The following PHYHIPL variants were observed in gnomAD, a reference collection of about 807,000 sequenced individuals.
PHYHIPL encodes the protein phytanoyl-CoA 2-hydroxylase interacting protein like, also known as phytanoyl-CoA hydroxylase-interacting protein-like.
In PHYHIPL, 9 loss-of-function variants were observed where a neutral mutation model predicts 33.4. That is an observed-to-expected ratio of 0.27 (90% confidence interval 0.16 to 0.47). PHYHIPL has a LOEUF of 0.47. Among genes scored for constraint, PHYHIPL ranks in the 20% least tolerant of loss-of-function variants. The pLI, the probability that PHYHIPL is intolerant of heterozygous loss-of-function variation, is 0.99. For synonymous variants in PHYHIPL, 153 were observed against 154.1 expected, an observed-to-expected ratio of 0.99 and a Z score of 0.05; for missense variants, 365 against 460.7, an observed-to-expected ratio of 0.79 and a Z score of 1.90.
At chr10:59,236,113 C>T (rs994304409) in intron 2 of PHYHIPL, among the ~76,000 whole-genome samples, 1 of 151,784 alleles carries the variant, frequency 6.6e-6, no homozygotes, top group Non-Finnish European at 1.5e-5. Flanking sequence ...AAACTGGAAT[C>T]CAAGTACATT....
intron 1 of PHYHIPL, among the ~76,000 whole-genome samples, chr10:59,230,579 T>C (rs572699186): frequency 1.3e-5 from 2 of 152,286 alleles, no homozygotes; most frequent in South Asian, 2.1e-4. Context: ...TACATTTTAA[T>C]GAAATTGTAT....
chr10:59,189,913 G>C (rs1838736130), intron 1 of PHYHIPL, among the ~76,000 whole-genome samples: 1 of 151,936 alleles, frequency 6.6e-6, no homozygotes, highest in Non-Finnish European at 1.5e-5. Context: ...TATTGCTGGA[G>C]GAAAGAAGTG....
chr10:59,224,916 A>T (rs1839885949), intron 1 of PHYHIPL, among the ~76,000 whole-genome samples: 1 of 152,034 alleles, frequency 6.6e-6, no homozygotes, highest in Admixed American at 6.6e-5. Flanking sequence ...TAAAAATAGT[A>T]ACTCTGCTAT....
At chr10:59,233,087 G>A (rs1310471803) in intron 1 of PHYHIPL, among the ~76,000 whole-genome samples, 2 of 151,570 alleles carry the variant, frequency 1.3e-5, no homozygotes, top group African/African-American at 4.8e-5. Context: ...AAGTACATAG[G>A]AGAAGAAAAA....
intron 1 of PHYHIPL, among the ~76,000 whole-genome samples, chr10:59,184,733 G>A (rs1022365286): frequency 1.1e-4 from 16 of 151,440 alleles, no homozygotes; most frequent in African/African-American, 3.6e-4. Context: ...GTGCCATGTT[G>A]GTGTGCTGCA....
chr10:59,232,758 C>A (rs746722745), intron 1 of PHYHIPL, among the ~76,000 whole-genome samples: 5 of 96,190 alleles, frequency 5.2e-5, no homozygotes, highest in Admixed American at 8.4e-5. Flanking sequence ...AAAAATTCTA[C>A]TATCAGAGTT....
chr10:59,238,491 C>T, intron 3 of PHYHIPL, 97 bp from the exon 4 acceptor site: 14 of 612,098 alleles, frequency 2.3e-5, no homozygotes, highest in Admixed American at 5.1e-5. Flanking sequence ...AGTTGAATTC[C>T]CTAGAGGTGA....
chr10:59,240,796 G>A (rs780892572), intron 4 of PHYHIPL, among the ~76,000 whole-genome samples: 17 of 152,032 alleles, frequency 1.1e-4, no homozygotes, highest in Non-Finnish European at 2.2e-4. Flanking sequence ...GTATCTCTCT[G>A]TGATTTTTCT....
rs1273680689 is a variant in PHYHIPL at position 59,247,743 on chromosome 10, A to G, written c.*2152A>G. The G allele has an allele frequency of 1.2e-6, 2 of 1,607,374 alleles. No individual in the cohort carries two copies. Among genetic ancestry groups the G allele is most frequent in the South Asian group, 2.2e-5 (2 of 89,326 alleles). On this transcript the variant is annotated 3_prime_UTR_variant, in exon 5 of 5. Coordinates refer to ENST00000373880, the MANE Select transcript of PHYHIPL (RefSeq NM_032439.4). ...TATCTTCCTTTTGTGGACTTCTGCA[A>G]AACAAAAATACATTTGTTAGTTCAC...
At position 59,213,293 on chromosome 10, in the gene PHYHIPL, CT is replaced by C. The variant is rs750748818; in HGVS notation, c.107-21010del. Among the ~76,000 whole-genome samples, 140 of 151,980 alleles carry C rather than the reference CT, an allele frequency of 9.2e-4. 2 individuals carry two copies. The highest frequency in any genetic ancestry group is 2.8e-4 in the Non-Finnish European group (19 of 67,992). ...CTTTTGTCTGTGTTAAGTATTTACT[CT>C]AATATAAACAAAAATTTCTTTGATT... On this transcript the variant is annotated intron_variant, in intron 1 of 4. Transcript: ENST00000373880.
intron 1 of PHYHIPL, among the ~76,000 whole-genome samples, chr10:59,193,153 A>G (rs2440862): frequency 0.05 from 7,608 of 152,112 alleles, 501 homozygotes; most frequent in African/African-American, 0.15. Flanking sequence ...TTTTGTGTAC[A>G]TGTGTGGTGT....
chr10:59,198,210 C>A (rs1309825363), intron 1 of PHYHIPL, among the ~76,000 whole-genome samples: 1 of 152,094 alleles, frequency 6.6e-6, no homozygotes, highest in Non-Finnish European at 1.5e-5. Flanking sequence ...CCCCTACCCC[C>A]ACCCCATGAC....
intron 1 of PHYHIPL, among the ~76,000 whole-genome samples, chr10:59,204,204 T>G (rs149524324): frequency 6.6e-6 from 1 of 152,326 alleles, no homozygotes; most frequent in East Asian, 1.9e-4. Flanking sequence ...TTTCAGCATG[T>G]AGAAATATTA....
chr10:59,238,286 A>T (rs965841094), intron 3 of PHYHIPL, among the ~76,000 whole-genome samples: 2 of 151,942 alleles, frequency 1.3e-5, no homozygotes, highest in East Asian at 1.9e-4. Flanking sequence ...GTGCTAATGG[A>T]TATTACTTGG....
intron 1 of PHYHIPL, among the ~76,000 whole-genome samples, chr10:59,195,029 G>T (rs943350491): frequency 3.9e-5 from 6 of 152,078 alleles, no homozygotes. Context: ...TGACCCCTGA[G>T]AAAGAAAAGT....
intron 1 of PHYHIPL, among the ~76,000 whole-genome samples, chr10:59,233,847 A>T (rs963964650): frequency 1.3e-5 from 2 of 151,842 alleles, no homozygotes; most frequent in African/African-American, 4.8e-5. Context: ...TATATGTAGT[A>T]AAACCATTAC....
At chr10:59,236,457 C>G in intron 2 of PHYHIPL, 26 bp from the exon 3 acceptor site, 11 of 1,401,998 alleles carry the variant, frequency 7.8e-6, no homozygotes, top group Non-Finnish European at 1.1e-5. Flanking sequence ...TCATTTTTCT[C>G]TCTCTCTTCC....
chr10:59,230,649 A>T (rs1224312379), intron 1 of PHYHIPL, among the ~76,000 whole-genome samples: 3 of 152,192 alleles, frequency 2.0e-5, no homozygotes, highest in Non-Finnish European at 4.4e-5. Context: ...CAATTTAAAA[A>T]GTTTATTTTG....
chr10:59,197,947 G>C (rs1179589672), intron 1 of PHYHIPL, among the ~76,000 whole-genome samples: 2 of 152,102 alleles, frequency 1.3e-5, no homozygotes, highest in Non-Finnish European at 2.9e-5. Context: ...CTTGAGGCTT[G>C]ATTTGCATTT....
Sources: allele counts gnomAD v4.1 joint callset (sites outside exome capture counted in the v4.1 genomes callset), GRCh38; gene constraint gnomAD v4.1.1; transcripts MANE v1.5; gene names NCBI Gene and HGNC (gene_info 2026-07-23, HGNC 2026-07-21).